The following UBR1 variants were observed in gnomAD, a reference collection of about 807,000 sequenced individuals.
The protein encoded by UBR1 is E3 ubiquitin-protein ligase UBR1.
A neutral mutation model predicts 242.1 loss-of-function variants in UBR1; 102 were observed. The observed-to-expected ratio is 0.42, with a 90% CI of 0.36 to 0.50. UBR1 has a LOEUF of 0.50. Among genes scored for constraint, UBR1 ranks in the 20% least tolerant of loss-of-function variants. UBR1 has a pLI of 0.01. For missense variants in UBR1, 1,772 were observed against 2,101.8 expected (o/e 0.84, Z 3.07); for synonymous variants, 675 against 684.8 (o/e 0.99, Z 0.22).
rs569992095 is a variant in UBR1, at chr15:43,067,924, A to C, written c.772T>G (p.Leu258Val). 2 of 1,614,032 alleles carry C rather than the reference A, an allele frequency of 1.2e-6. No homozygotes were observed. Among genetic ancestry groups the C allele is most frequent in the South Asian group, 2.2e-5 (2 of 91,074 alleles). Residue 258 changes from leucine to valine, a missense_variant, in exon 6 of 47, where the codon TTG (leucine) becomes GTG (valine). Leu to Val is a conservative substitution (Grantham distance 32, BLOSUM62 1). This residue lies in a region of UBR1 where 734 missense variants were observed against 893.3 expected (regional missense o/e 0.82). Coordinates refer to ENST00000290650, the MANE Select transcript of UBR1 (RefSeq NM_174916.3). ...TCTTTGTCAATGGCAGTGGTATGCA[A>C]CTGGGCCTCTGCGAGCTCACAGTCA... ...ALDCELAEAQ[L>V]HTTAIDKEGR...
At chr15:42,968,710 CCCTCCCTGTGCCCATATGTTCT>C (rs1375824069) in intron 40 of UBR1, among the ~76,000 whole-genome samples, 3 of 152,032 alleles carry the variant, frequency 2.0e-5, no homozygotes, top group African/African-American at 7.2e-5. Flanking sequence ...TGTGATGTTC[CCCTCCCTGTGCCCATATGTTCT>C]CATTGTTCAA....
rs372364095 is a variant in UBR1 at position 43,021,256 on chromosome 15, C to G, written c.2940+19G>C. ...AAATATTTAAACCAAGATATGATCA[C>G]TTTACTTTTTTAGTTTACCTGAAGT... On this transcript the variant is annotated intron_variant, in intron 27 of 46. Coordinates refer to ENST00000290650, the MANE Select transcript of UBR1 (RefSeq NM_174916.3). The G allele has an allele frequency of 3.1e-5, 50 of 1,604,240 alleles. No homozygotes were observed. In the African/African-American group the frequency reaches 6.4e-4, roughly 21 times the overall value.
At chr15:43,076,180 CTG>C (rs2033889687) in intron 3 of UBR1, among the ~76,000 whole-genome samples, 2 of 146,816 alleles carry the variant, frequency 1.4e-5, no homozygotes, top group South Asian at 4.4e-4. Flanking sequence ...CGGGGTTTTG[CTG>C]TGTTGGCCGG....
At chr15:43,103,021 A>G (rs928307164) in intron 1 of UBR1, among the ~76,000 whole-genome samples, 4 of 152,184 alleles carry the variant, frequency 2.6e-5, no homozygotes, top group African/African-American at 9.6e-5. Flanking sequence ...TACAAAAATC[A>G]GCCAGGTGTG....
At chr15:43,050,571 T>G (rs1466347213) in intron 12 of UBR1, among the ~76,000 whole-genome samples, 1 of 151,334 alleles carries the variant, frequency 6.6e-6, no homozygotes, top group Non-Finnish European at 1.5e-5. Flanking sequence ...TAAATTACAA[T>G]AAATTAGCCA....
chr15:43,020,978 T>C (rs2033102657), intron 27 of UBR1: 1 of 319,272 alleles, frequency 3.1e-6, no homozygotes, highest in East Asian at 7.9e-5. Flanking sequence ...GAGTATATGT[T>C]CCATGATAGT....
At chr15:43,099,166 G>A (rs1401060578) in intron 1 of UBR1, among the ~76,000 whole-genome samples, 3 of 151,966 alleles carry the variant, frequency 2.0e-5, no homozygotes, top group East Asian at 1.9e-4. Context: ...GCAAAATCCC[G>A]TCTCTACTAA....
At chr15:43,068,841 G>C (rs1416031251) in intron 5 of UBR1, among the ~76,000 whole-genome samples, 1 of 152,064 alleles carries the variant, frequency 6.6e-6, no homozygotes, top group African/African-American at 2.4e-5. Context: ...AGCTGCTCTT[G>C]AACTCCTGAC....
At chr15:43,068,328 G>A (rs189906172) in intron 5 of UBR1, among the ~76,000 whole-genome samples, 12 of 151,086 alleles carry the variant, frequency 7.9e-5, no homozygotes, top group African/African-American at 2.2e-4. Flanking sequence ...ATCTGAGACT[G>A]CAGGCACGTG....
intron 39 of UBR1, 72 bp from the exon 40 acceptor site, chr15:42,970,679 G>T: frequency 2.2e-6 from 3 of 1,349,050 alleles, no homozygotes; most frequent in Non-Finnish European, 1.1e-6. Flanking sequence ...TAATTTCATT[G>T]TTCCAAGACA....
At chr15:43,079,706 C>T (rs933696426) in intron 3 of UBR1, among the ~76,000 whole-genome samples, 4 of 152,006 alleles carry the variant, frequency 2.6e-5, no homozygotes, top group South Asian at 2.1e-4. Context: ...GGAGTGAACC[C>T]GGGAGACAGA....
At chr15:43,046,985 T>C (rs1488157351) in intron 14 of UBR1, among the ~76,000 whole-genome samples, 176 bp downstream of exon 14, 1 of 152,162 alleles carries the variant, frequency 6.6e-6, no homozygotes, top group East Asian at 1.9e-4. Context: ...CAGGGCACAT[T>C]TTCTACTCAA....
Position 42,978,046 on chromosome 15 carries a change from G to A in UBR1, c.4151-99C>T. The A allele has an allele frequency of 3.3e-6, 3 of 898,816 alleles. No individual in the cohort carries two copies. The South Asian group carries it at 4.1e-5, about 12-fold the overall frequency. 55.7% of individuals were successfully genotyped at this position (898,816 alleles called of 1,614,324 possible). ...ACACCTAAACCAAACATATAACAGG[G>A]TTATAAAATACAGAAACTAATACAT... is the stretch of plus-strand genomic sequence containing the variant. On this transcript the variant is annotated intron_variant, in intron 37 of 46. Transcript: ENST00000290650.
At chr15:43,094,111 T>G (rs762203516) in intron 1 of UBR1, among the ~76,000 whole-genome samples, 2 of 152,142 alleles carry the variant, frequency 1.3e-5, no homozygotes, top group African/African-American at 2.4e-5. Context: ...ATTACCTTCC[T>G]TATCCTGAGC....
At chr15:42,990,859 T>C (rs1350935721) in intron 33 of UBR1, among the ~76,000 whole-genome samples, 1 of 152,224 alleles carries the variant, frequency 6.6e-6, no homozygotes, top group East Asian at 1.9e-4. Flanking sequence ...CAACCTTGTG[T>C]GAAAGCTAAA....
chr15:43,051,970 CTCTTT>C lies in UBR1; in HGVS notation c.1439+2767_1439+2771del. ...CAATAGCACCAAGGTTCAACTGCATCTCTTTTCTAAGTTGCATTTCCACAATAAAT... is the reference window on the plus strand; with the variant it reads ...CAATAGCACCAAGGTTCAACTGCATCTCTAAGTTGCATTTCCACAATAAAT... On this transcript the variant is annotated intron_variant, in intron 12 of 46. Coordinates refer to ENST00000290650, the MANE Select transcript of UBR1 (RefSeq NM_174916.3). Among the ~76,000 whole-genome samples the C allele has an allele frequency of 2.0e-5, 3 of 152,294 alleles. No homozygotes were observed. In the East Asian group the frequency reaches 5.8e-4, roughly 29 times the overall value.
intron 33 of UBR1, among the ~76,000 whole-genome samples, chr15:42,995,774 C>T (rs1029073685): frequency 1.5e-4 from 23 of 152,160 alleles, no homozygotes; most frequent in African/African-American, 5.5e-4. Flanking sequence ...GTTTTCCACC[C>T]AACAGATTGT....
Position 42,943,409 on chromosome 15 carries a change from G to A in UBR1, c.*1920C>T, listed in dbSNP as rs1433663104. 1.3e-5 allele frequency: 2 copies of A among 152,504 alleles called. No homozygotes were observed. The highest frequency in any genetic ancestry group is 2.9e-5 in the Non-Finnish European group (2 of 68,044). The allele number at this position is 152,504 out of a possible 1,614,324, so 9.4% of individuals were successfully genotyped here. ...TAATGAGAAATCCCTGGGGCTTGGG[G>A]CAGCACTGAGACATACGCTCATCTA... On this transcript the variant is annotated 3_prime_UTR_variant, in exon 47 of 47. Coordinates refer to ENST00000290650, the MANE Select transcript of UBR1 (RefSeq NM_174916.3).
rs2032295918 is a variant in UBR1, at chr15:42,976,753, C to T, written c.4333G>A (p.Ala1445Thr). ...GTAAGTAGTATCTGAAGCATGTGTGCCATGGTGATCAAATGGAAGAGATAA... is the reference window on the plus strand; with the variant it reads ...GTAAGTAGTATCTGAAGCATGTGTGTCATGGTGATCAAATGGAAGAGATAA... ...HLYLFHLITM[A>T]HMLQILLTVD... Residue 1445 changes from alanine to threonine, a missense_variant, in exon 39 of 47, where the codon GCA becomes ACA. Ala to Thr is a moderately conservative substitution (Grantham distance 58). Around this residue, in one of 3 missense-constraint regions of UBR1, gnomAD observed 965 missense variants for 1,079.7 expected, o/e 0.89. Coordinates refer to ENST00000290650, the MANE Select transcript of UBR1 (RefSeq NM_174916.3). The T allele has an allele frequency of 1.9e-6, 3 of 1,613,828 alleles. No individual in the cohort carries two copies. The highest frequency in any genetic ancestry group is 2.5e-6 in the Non-Finnish European group (3 of 1,179,996).
Sources: gnomAD v4.1 joint callset for allele counts (sites outside exome capture counted in the v4.1 genomes callset) on GRCh38, gnomAD v4.1.1 for gene constraint, gnomAD v4.1.1 regional missense constraint, MANE v1.5 for transcripts, NCBI Gene and HGNC (gene_info 2026-07-23, HGNC 2026-07-21) for gene names.